Variants in C1orf54 observed in about 807,000 individuals in gnomAD.
The protein encoded by C1orf54 is uncharacterized protein C1orf54.
Under a neutral mutation model 14.7 loss-of-function variants are expected in C1orf54, and 12 were observed. The observed-to-expected ratio is 0.82, with a 90% CI of 0.52 to 1.32. The LOEUF is 1.32. Ranked by LOEUF, C1orf54 falls within the 40% of genes most tolerant of loss-of-function variation. C1orf54 has a pLI of 0.00. For missense variants in C1orf54, 163 were observed against 162.2 expected (o/e 1.00, Z -0.03); for synonymous variants, 65 against 56.3 (o/e 1.16, Z -0.70).
chr1:150,280,855 C>T lies in C1orf54; in HGVS notation c.*24C>T, dbSNP rs1553853296. On this transcript the variant is annotated 3_prime_UTR_variant, in exon 6 of 6. Transcript: ENST00000369099. ...TTTAGGTGGAAGAAGGCTGCTATGA[C>T]TCTTTGGATGGGAGTCTGGCAAGAG... 1.9e-6 allele frequency: 3 copies of T among 1,550,252 alleles called. No individual in the cohort carries two copies. Among genetic ancestry groups the T allele is most frequent in the Middle Eastern group, 1.7e-4 (1 of 5,954 alleles).
At chr1:150,276,786 C>T (rs1652696651) in intron 4 of C1orf54, among the ~76,000 whole-genome samples, 154 bp downstream of exon 4, 2 of 152,102 alleles carry the variant, frequency 1.3e-5, no homozygotes, top group African/African-American at 4.8e-5. Context: ...CCATGTTTCA[C>T]TAAGATTTAA....
chr1:150,276,740 A>G, intron 4 of C1orf54, 108 bp downstream of exon 4: 1 of 829,278 alleles, frequency 1.2e-6, no homozygotes, highest in African/African-American at 1.7e-5. Flanking sequence ...GAACCAAATA[A>G]TTAGTACTTC....
intron 4 of C1orf54, among the ~76,000 whole-genome samples, 155 bp downstream of exon 4, chr1:150,276,787 T>C (rs1652696851): frequency 6.6e-6 from 1 of 152,196 alleles, no homozygotes; most frequent in African/African-American, 2.4e-5. Context: ...CATGTTTCAC[T>C]AAGATTTAAT....
upstream of C1orf54, chr1:150,269,025 T>TC: frequency 2.0e-6 from 1 of 504,036 alleles, no homozygotes; most frequent in Non-Finnish European, 3.6e-6. Context: ...AGGGGACAAA[T>TC]CCCGGCCGCA....
chr1:150,272,983 A>G, intron 1 of C1orf54, 120 bp downstream of exon 1: 1 of 1,162,782 alleles, frequency 8.6e-7, no homozygotes, highest in Admixed American at 1.8e-5. Flanking sequence ...GAGTTTTCTC[A>G]TCGTGCTGGG....
intron 2 of C1orf54, among the ~76,000 whole-genome samples, chr1:150,275,329 C>G (rs1316768320): frequency 2.1e-5 from 1 of 47,570 alleles, no homozygotes; most frequent in African/African-American, 1.0e-4. Context: ...AGCCATCGTG[C>G]CCGGCCAAAT....
chr1:150,272,861 T>C lies in C1orf54; in HGVS notation c.44T>C (p.Leu15Pro). 1 of 1,614,060 alleles carries C rather than the reference T, an allele frequency of 6.2e-7. No individual in the cohort carries two copies. Among genetic ancestry groups the C allele is most frequent in the Non-Finnish European group, 8.5e-7 (1 of 1,179,946 alleles). Residue 15 changes from leucine (L) to proline (P), a missense_variant and splice_region_variant, in exon 1 of 6, where the codon CTG becomes CCG. By Grantham distance (98) the Leu-to-Pro change is moderately conservative (BLOSUM62 -3). Transcript: ENST00000369099. ...GCCATCTTTGCTGTGCCACTTATCC[T>C]GGGTAAGTCCACTCCTCTCTCTGAG... is the stretch of plus-strand genomic sequence containing the variant. ...FVAIFAVPLILGQEYEDEERL... is the reference protein window; with the variant it reads ...FVAIFAVPLIPGQEYEDEERL...
chr1:150,272,380 G>C (rs1572097465), upstream of C1orf54: 1 of 174,622 alleles, frequency 5.7e-6, no homozygotes, highest in South Asian at 1.3e-4. Context: ...GACTGATGAA[G>C]CCTCAGAGAG....
At chr1:150,268,840 C>T, upstream of C1orf54, 1 of 1,590,558 alleles carries the variant, frequency 6.3e-7, no homozygotes. Context: ...GGGGTGGGGG[C>T]CTGACCAGGA....
chr1:150,269,242 C>T (rs1652038356), upstream of C1orf54: 2 of 180,038 alleles, frequency 1.1e-5, 1 homozygote, highest in Non-Finnish European at 2.4e-5. Flanking sequence ...GCTTCCGTCG[C>T]TGTTTCCTTT....
chr1:150,270,644 G>GA (rs1440212385), upstream of C1orf54, among the ~76,000 whole-genome samples: 1 of 149,720 alleles, frequency 6.7e-6, no homozygotes, highest in Non-Finnish European at 1.5e-5. Flanking sequence ...CTCTGTCTCT[G>GA]AAAAAAAAGA....
chr1:150,277,816 G>A (rs1371086125), intron 4 of C1orf54, among the ~76,000 whole-genome samples: 6 of 152,128 alleles, frequency 3.9e-5, no homozygotes, highest in African/African-American at 9.7e-5. Context: ...TAGAAAAACC[G>A]GCCAGGTGTG....
chr1:150,279,405 T>A (rs74953512), intron 4 of C1orf54, among the ~76,000 whole-genome samples: 3,745 of 152,292 alleles, frequency 0.025, 144 homozygotes, highest in African/African-American at 0.085. Flanking sequence ...ATAATGCACA[T>A]AATAGATAAA....
chr1:150,280,548 G>A (rs780066606), intron 5 of C1orf54, among the ~76,000 whole-genome samples: 7 of 152,220 alleles, frequency 4.6e-5, no homozygotes, highest in Non-Finnish European at 7.3e-5. Flanking sequence ...AACGGATGGC[G>A]GTTCTCTGAT....
upstream of C1orf54, among the ~76,000 whole-genome samples, chr1:150,270,203 A>AAG (rs1553850994): frequency 6.6e-6 from 1 of 150,958 alleles, no homozygotes. Flanking sequence ...ACCAAAAAAA[A>AAG]CCCCACAGAA....
chr1:150,274,024 A>G, intron 1 of C1orf54, 63 bp from the exon 2 acceptor site: 2 of 1,115,534 alleles, frequency 1.8e-6, no homozygotes, highest in South Asian at 2.6e-5. Flanking sequence ...GGTCATCTCC[A>G]GGTGTCCTTT....
chr1:150,268,799 C>A (rs376233738), upstream of C1orf54: 1 of 1,613,276 alleles, frequency 6.2e-7, no homozygotes, highest in South Asian at 1.1e-5. Context: ...CGAAAAACAC[C>A]GCAGCCCCCA....
At chr1:150,272,652 G>A (rs587725065), upstream of C1orf54, 56 of 669,006 alleles carry the variant, frequency 8.4e-5, no homozygotes, top group East Asian at 1.2e-3. Context: ...GGCAGTAACC[G>A]GAGATCTAGT....
At chr1:150,273,602 G>C (rs1553851731) in intron 1 of C1orf54, among the ~76,000 whole-genome samples, 1 of 152,212 alleles carries the variant, frequency 6.6e-6, no homozygotes, top group African/African-American at 2.4e-5. Context: ...TAAGTGGATT[G>C]TTCAGGGTTA....
Sources: gnomAD v4.1 joint callset for allele counts (sites outside exome capture counted in the v4.1 genomes callset) on GRCh38, gnomAD v4.1.1 for gene constraint, MANE v1.5 for transcripts, NCBI Gene and HGNC (gene_info 2026-07-23, HGNC 2026-07-21) for gene names.